The following PHTF2 variants were observed in gnomAD, a reference collection of about 807,000 sequenced individuals.
The protein encoded by PHTF2 is putative homeodomain transcription factor 2.
In PHTF2, 60 loss-of-function variants were observed where a neutral mutation model predicts 101.2. That is an observed-to-expected ratio of 0.59 (90% CI 0.48 to 0.73). The LOEUF (loss-of-function observed/expected upper bound fraction) is 0.73. PHTF2 is among the 30% of genes least tolerant of loss of function. PHTF2 has a pLI of 0.00. For synonymous variants in PHTF2, 311 were observed against 307.3 expected, an observed-to-expected ratio of 1.01 and a Z score of -0.13; for missense variants, 747 against 908.7, an observed-to-expected ratio of 0.82 and a Z score of 2.29.
intron 9 of PHTF2, among the ~76,000 whole-genome samples, chr7:77,915,215 A>AT (rs1490330890): frequency 7.1e-6 from 1 of 141,842 alleles, no homozygotes; most frequent in Non-Finnish European, 1.5e-5. Context: ...GGCCATTATT[A>AT]TTTTTTATTT....
chr7:77,859,433 C>G (rs1434149851), intron 3 of PHTF2, among the ~76,000 whole-genome samples: 1 of 152,030 alleles, frequency 6.6e-6, no homozygotes, highest in Non-Finnish European at 1.5e-5. Flanking sequence ...GTCAGGATCC[C>G]AAATATTTTC....
rs1238587766 is a variant in PHTF2 at position 77,908,828 on chromosome 7, CCACACAG to C, written c.484_490del (p.His162TyrfsTer3). 1 of 1,610,594 alleles carries C rather than the reference CCACACAG, an allele frequency of 6.2e-7. No homozygotes were observed. The highest frequency in any genetic ancestry group is 8.5e-7 in the Non-Finnish European group (1 of 1,177,740). The stretch of plus-strand genomic sequence containing the variant: ...AGTATTATTCTGCTCCACTTCTAGC[CCACACAG>C]CATACCTCTGACAGAGGTGATTGGG... On this transcript the variant is annotated frameshift_variant, in exon 8 of 20. Coordinates refer to ENST00000416283, the Ensembl canonical transcript of PHTF2. LOFTEE classifies it high-confidence loss of function.
intron 3 of PHTF2, among the ~76,000 whole-genome samples, chr7:77,865,912 G>A (rs112131182): frequency 3.9e-5 from 6 of 152,034 alleles, no homozygotes; most frequent in Admixed American, 2.0e-4. Flanking sequence ...GGCTGGGCTC[G>A]GTGGCTCATG....
At chr7:77,827,595 A>G (rs1480336566) in intron 1 of PHTF2, among the ~76,000 whole-genome samples, 1 of 151,820 alleles carries the variant, frequency 6.6e-6, no homozygotes, top group Non-Finnish European at 1.5e-5. Context: ...TTCATGATCT[A>G]CCTGCCTTGG....
intron 3 of PHTF2, among the ~76,000 whole-genome samples, chr7:77,880,609 C>T (rs773604275): frequency 1.3e-5 from 2 of 152,052 alleles, no homozygotes; most frequent in Non-Finnish European, 2.9e-5. Flanking sequence ...CTCTCCTCAC[C>T]CCCACAACGT....
chr7:77,809,901 G>T (rs1793304182), intron 1 of PHTF2, among the ~76,000 whole-genome samples: 1 of 152,016 alleles, frequency 6.6e-6, no homozygotes, highest in Non-Finnish European at 1.5e-5. Flanking sequence ...TGAAGCACCG[G>T]GCTAGTTTTC....
intron 1 of PHTF2, among the ~76,000 whole-genome samples, chr7:77,834,832 G>T (rs1224593752): frequency 6.6e-6 from 1 of 152,164 alleles, no homozygotes; most frequent in African/African-American, 2.4e-5. Context: ...GACAAAGAAT[G>T]TTGCCACATT....
chr7:77,832,090 G>A (rs1374212797), intron 1 of PHTF2, among the ~76,000 whole-genome samples: 1 of 150,166 alleles, frequency 6.7e-6, no homozygotes, highest in African/African-American at 2.5e-5. Context: ...CAGTGATGCA[G>A]AATGGGTCAC....
At chr7:77,925,471 C>T (rs1023879083) in intron 11 of PHTF2, among the ~76,000 whole-genome samples, 2 of 129,508 alleles carry the variant, frequency 1.5e-5, no homozygotes, top group Middle Eastern at 4.5e-3. Context: ...GAAATTTAGG[C>T]AATTATAGGC....
intron 3 of PHTF2, among the ~76,000 whole-genome samples, chr7:77,868,854 T>C (rs1379204223): frequency 6.6e-6 from 1 of 152,182 alleles, no homozygotes; most frequent in Non-Finnish European, 1.5e-5. Context: ...ATGTTGACTT[T>C]TAAATGATTT....
chr7:77,850,781 G>A (rs969978857), intron 2 of PHTF2, among the ~76,000 whole-genome samples: 4 of 152,126 alleles, frequency 2.6e-5, no homozygotes, highest in Admixed American at 2.6e-4. Context: ...TAATCAGTTT[G>A]ATACCAGCAA....
intron 3 of PHTF2, among the ~76,000 whole-genome samples, chr7:77,888,735 A>T (rs544525888): frequency 1.4e-4 from 22 of 152,194 alleles, no homozygotes; most frequent in Non-Finnish European, 2.9e-4. Flanking sequence ...CTATAATTGA[A>T]CTTGGCCTTG....
In PHTF2 at chr7:77,940,018, G is replaced by T; in HGVS notation, c.1468-12G>T. Reference sequence around the variant, plus strand: ...ATTTTTCTTTTCTCTCTCTTCCCCTGGCTCCCTCAAGGTGAACAGCCATAT... The same window carrying T: ...ATTTTTCTTTTCTCTCTCTTCCCCTTGCTCCCTCAAGGTGAACAGCCATAT... On this transcript the variant is annotated splice_polypyrimidine_tract_variant and intron_variant, in intron 13 of 19. Coordinates refer to ENST00000416283, the Ensembl canonical transcript of PHTF2. The T allele has an allele frequency of 1.3e-6, 2 of 1,573,058 alleles. No individual in the cohort carries two copies. Among genetic ancestry groups the T allele is most frequent in the Non-Finnish European group, 1.7e-6 (2 of 1,158,236 alleles).
intron 12 of PHTF2, among the ~76,000 whole-genome samples, chr7:77,931,151 C>T (rs1051310556): frequency 1.3e-5 from 2 of 151,862 alleles, no homozygotes; most frequent in African/African-American, 4.8e-5. Context: ...AGGTGAAAAG[C>T]GAAACTTTAA....
chr7:77,933,535 C>T (rs1301859196), intron 12 of PHTF2, among the ~76,000 whole-genome samples: 2 of 152,050 alleles, frequency 1.3e-5, no homozygotes, highest in Non-Finnish European at 2.9e-5. Flanking sequence ...GAGTAGCGTC[C>T]TTGGGATTGA....
At chr7:77,834,346 A>G (rs1795291863) in intron 1 of PHTF2, among the ~76,000 whole-genome samples, 1 of 151,450 alleles carries the variant, frequency 6.6e-6, no homozygotes, top group African/African-American at 2.4e-5. Context: ...TTTTAAACGG[A>G]AGGAAGAAGC....
chr7:77,932,602 A>AAG (rs777881524), intron 12 of PHTF2, among the ~76,000 whole-genome samples: 1,517 of 129,904 alleles, frequency 0.012, 22 homozygotes, highest in African/African-American at 0.034. Flanking sequence ...GAGAGAGAGA[A>AAG]AGAGAGAGAG....
intron 1 of PHTF2, among the ~76,000 whole-genome samples, chr7:77,826,457 C>T (rs1794703746): frequency 6.6e-6 from 1 of 152,058 alleles, no homozygotes; most frequent in Non-Finnish European, 1.5e-5. Context: ...GTGGCTTCAC[C>T]CAAGGCAACC....
chr7:77,830,049 G>A (rs1369828064), intron 1 of PHTF2, among the ~76,000 whole-genome samples: 1 of 152,114 alleles, frequency 6.6e-6, no homozygotes, highest in Admixed American at 6.6e-5. Flanking sequence ...TTTTAATATG[G>A]TGTGTAAACA....
Sources: allele counts gnomAD v4.1 joint callset (sites outside exome capture counted in the v4.1 genomes callset), GRCh38; gene constraint gnomAD v4.1.1; transcripts MANE v1.5; gene names NCBI Gene and HGNC (gene_info 2026-07-23, HGNC 2026-07-21).